Variants in AK5 observed in about 807,000 individuals in gnomAD.
AK5 encodes the protein adenylate kinase isoenzyme 5.
Under a neutral mutation model 69.5 loss-of-function variants are expected in AK5, and 27 were observed. The observed-to-expected ratio is 0.39, with a 90% confidence interval of 0.29 to 0.54. AK5 has a LOEUF of 0.54. Ranked by LOEUF, AK5 falls within the 20% of genes least tolerant of loss-of-function variation. AK5 has a pLI of 0.71. For missense variants in AK5, 531 were observed against 700.4 expected, an observed-to-expected ratio of 0.76 and a Z score of 2.73; for synonymous variants, 260 against 244.4, an observed-to-expected ratio of 1.06 and a Z score of -0.60.
At chr1:77,334,791 T>C (rs1297003479) in intron 5 of AK5, among the ~76,000 whole-genome samples, 1 of 152,176 alleles carries the variant, frequency 6.6e-6, no homozygotes, top group African/African-American at 2.4e-5. Flanking sequence ...GGTATACCAT[T>C]TTGGAGTCCA....
chr1:77,325,627 T>C (rs1003562968), intron 5 of AK5, among the ~76,000 whole-genome samples: 1 of 152,126 alleles, frequency 6.6e-6, no homozygotes, highest in African/African-American at 2.4e-5. Flanking sequence ...GGTCTCCATT[T>C]TGGGACTATA....
chr1:77,355,747 T>G (rs1662477344), intron 6 of AK5, among the ~76,000 whole-genome samples: 1 of 152,150 alleles, frequency 6.6e-6, no homozygotes, highest in Admixed American at 6.5e-5. Flanking sequence ...ATAATTCTGC[T>G]GTCATCATCA....
chr1:77,444,963 A>C (rs1652654864), intron 8 of AK5, among the ~76,000 whole-genome samples: 1 of 152,044 alleles, frequency 6.6e-6, no homozygotes, highest in Non-Finnish European at 1.5e-5. Context: ...CACTTAGCAG[A>C]ATGTCCTCCA....
rs548450079 is a variant in AK5 at position 77,346,201 on chromosome 1, G to C, written c.891+5633G>C. The C allele has an allele frequency of 2.0e-5, 3 of 152,368 alleles. No homozygotes were observed. In the East Asian group the frequency reaches 5.8e-4, roughly 29 times the overall value. The allele number at this position is 152,368 out of a possible 1,614,324, so 9.4% of individuals were successfully genotyped here. A position where few individuals can be genotyped will look rare whatever the true frequency, so the allele number is the denominator to read the frequency against. On this transcript the variant is annotated intron_variant, in intron 6 of 13. Transcript: ENST00000354567. ...CTCAGAGTGGCAGAGGTGGACCAAA[G>C]TGGACCATGCCCTTCAAACCCCTGT...
At chr1:77,332,337 T>G (rs552606445) in intron 5 of AK5, among the ~76,000 whole-genome samples, 1 of 151,626 alleles carries the variant, frequency 6.6e-6, no homozygotes, top group African/African-American at 2.4e-5. Context: ...TATATTTTAT[T>G]ACTTTCTACT....
At chr1:77,292,842 A>G (rs1440845337) in intron 2 of AK5, among the ~76,000 whole-genome samples, 1 of 152,150 alleles carries the variant, frequency 6.6e-6, no homozygotes, top group East Asian at 1.9e-4. Context: ...AATTCATTAA[A>G]TTACCGTGGT....
chr1:77,462,795 C>G (rs930518770), intron 8 of AK5, among the ~76,000 whole-genome samples: 2 of 152,022 alleles, frequency 1.3e-5, no homozygotes, highest in African/African-American at 4.8e-5. Flanking sequence ...ACAATAAAAC[C>G]GAGTTTGTTG....
intron 13 of AK5, among the ~76,000 whole-genome samples, chr1:77,555,160 C>T (rs1660034156): frequency 6.6e-6 from 1 of 152,082 alleles, no homozygotes; most frequent in Non-Finnish European, 1.5e-5. Flanking sequence ...CACCTATAAT[C>T]CCAGCTACTC....
chr1:77,535,807 T>A, intron 12 of AK5, 40 bp from the exon 13 acceptor site: 1 of 1,558,970 alleles, frequency 6.4e-7, no homozygotes, highest in Non-Finnish European at 8.7e-7. Flanking sequence ...ATCAGCAGGG[T>A]GAGGTTTCTG....
intron 5 of AK5, among the ~76,000 whole-genome samples, chr1:77,308,457 A>C (rs112222389): frequency 0.018 from 943 of 52,220 alleles, 16 homozygotes; most frequent in African/African-American, 0.069. Flanking sequence ...AAAAAAAAAA[A>C]ATCTTTTTCT....
chr1:77,454,921 A>G (rs1246747148), intron 8 of AK5, among the ~76,000 whole-genome samples: 1 of 152,212 alleles, frequency 6.6e-6, no homozygotes, highest in African/African-American at 2.4e-5. Flanking sequence ...GATGTTGAGC[A>G]AGATAGTTAA....
intron 6 of AK5, among the ~76,000 whole-genome samples, chr1:77,388,991 A>C (rs1465943064): frequency 6.6e-6 from 1 of 152,190 alleles, no homozygotes; most frequent in Non-Finnish European, 1.5e-5. Flanking sequence ...CGAAATGAGA[A>C]CTACCTTGTC....
intron 2 of AK5, among the ~76,000 whole-genome samples, chr1:77,292,682 G>C (rs1658759108): frequency 6.6e-6 from 1 of 152,130 alleles, no homozygotes; most frequent in Admixed American, 6.5e-5. Context: ...CGGTCCTTTT[G>C]AGTATGTCAT....
chr1:77,542,765 T>C (rs1659343824), intron 13 of AK5, among the ~76,000 whole-genome samples: 1 of 152,128 alleles, frequency 6.6e-6, no homozygotes, highest in South Asian at 2.1e-4. Context: ...AACATTATGA[T>C]ATATTTCCGT....
At chr1:77,407,161 A>T (rs1649712486) in intron 6 of AK5, among the ~76,000 whole-genome samples, 1 of 152,152 alleles carries the variant, frequency 6.6e-6, no homozygotes, top group Admixed American at 6.5e-5. Flanking sequence ...ATTAAAAGTA[A>T]CTGTAATTTT....
chr1:77,422,952 A>C (rs1490824643), intron 8 of AK5, among the ~76,000 whole-genome samples: 1 of 152,156 alleles, frequency 6.6e-6, no homozygotes, highest in Non-Finnish European at 1.5e-5. Context: ...GCGGTGGCTC[A>C]CGCCTGTAAT....
Position 77,518,556 on chromosome 1 carries a change from T to G in AK5, c.1148-8T>G. 1.9e-6 allele frequency: 3 copies of G among 1,613,376 alleles called. No individual in the cohort carries two copies. In the South Asian group the frequency reaches 3.3e-5, roughly 18 times the overall value. Reference sequence around the variant, plus strand: ...GAATGCATGTCTGACACATGACTTCTTTTCAAGGTGGTCCTGGCTCTGGCA... The same window carrying G: ...GAATGCATGTCTGACACATGACTTCGTTTCAAGGTGGTCCTGGCTCTGGCA... On this transcript the variant is annotated splice_polypyrimidine_tract_variant and splice_region_variant and intron_variant, in intron 10 of 13. Coordinates refer to ENST00000354567, the MANE Select transcript of AK5 (RefSeq NM_174858.3).
chr1:77,482,315 AT>A (rs1258498309), intron 8 of AK5, among the ~76,000 whole-genome samples: 2 of 152,092 alleles, frequency 1.3e-5, no homozygotes, highest in East Asian at 1.9e-4. Context: ...GTTTTTCTGA[AT>A]TTTTTTCCAA....
At chr1:77,459,301 G>A (rs1033830716) in intron 8 of AK5, among the ~76,000 whole-genome samples, 3 of 152,004 alleles carry the variant, frequency 2.0e-5, no homozygotes, top group African/African-American at 4.8e-5. Context: ...AAATGGTTAG[G>A]CCCTTGCTCA....
Sources: allele counts gnomAD v4.1 joint callset (sites outside exome capture counted in the v4.1 genomes callset), GRCh38; gene constraint gnomAD v4.1.1; transcripts MANE v1.5; gene names NCBI Gene and HGNC (gene_info 2026-07-23, HGNC 2026-07-21).